The following PTPN1 variants were observed in gnomAD, a reference collection of about 807,000 sequenced individuals.
The protein encoded by PTPN1 is tyrosine-protein phosphatase non-receptor type 1.
PTPN1 carries 12 observed loss-of-function variants against 59.9 expected under a neutral mutation model. That is an observed-to-expected ratio of 0.20 (90% CI 0.13 to 0.32). The LOEUF (loss-of-function observed/expected upper bound fraction) is 0.32. PTPN1 is among the 10% of genes least tolerant of loss of function. PTPN1 has a pLI of 1.00. For synonymous variants in PTPN1, 178 were observed against 203.6 expected, an observed-to-expected ratio of 0.87 and a Z score of 1.07; for missense variants, 356 against 549.2, an observed-to-expected ratio of 0.65 and a Z score of 3.52.
At position 50,581,607 on chromosome 20, in the gene PTPN1, G is replaced by A. The variant is rs7261972; in HGVS notation, c.1284+147G>A. The A allele has an allele frequency of 3.1e-4, 297 of 953,000 alleles. 2 individuals are homozygous for A. In the African/African-American group the frequency reaches 4.6e-3, roughly 15 times the overall value. 59.0% of individuals were successfully genotyped at this position (953,000 alleles called of 1,614,324 possible). A position where few individuals can be genotyped will look rare whatever the true frequency, so the allele number is the denominator to read the frequency against. On this transcript the variant is annotated intron_variant, in intron 9 of 9. Coordinates refer to ENST00000371621, the MANE Select transcript of PTPN1 (RefSeq NM_002827.4). Reference sequence around the variant, plus strand: ...AAGGTTTTTAAAGTCTGGAACTGTGGAAGGGCTAACAAGAGAATTAAGGAT... The same window carrying A: ...AAGGTTTTTAAAGTCTGGAACTGTGAAAGGGCTAACAAGAGAATTAAGGAT...
At chr20:50,569,292 C>T (rs2082794715) in intron 4 of PTPN1, among the ~76,000 whole-genome samples, 1 of 152,240 alleles carries the variant, frequency 6.6e-6, no homozygotes, top group Admixed American at 6.5e-5. Context: ...CCTCTCACCA[C>T]TCTTGGAACT....
At chr20:50,511,570 T>A (rs2082507604) in intron 1 of PTPN1, among the ~76,000 whole-genome samples, 2 of 152,212 alleles carry the variant, frequency 1.3e-5, no homozygotes, top group Non-Finnish European at 2.9e-5. Context: ...TCTTTGGTCG[T>A]GGCAGAGATG....
chr20:50,563,698 C>A (rs1316183937), intron 2 of PTPN1, among the ~76,000 whole-genome samples: 1 of 152,130 alleles, frequency 6.6e-6, no homozygotes, highest in Non-Finnish European at 1.5e-5. Context: ...CCACTTATCC[C>A]CATTCATATC....
chr20:50,539,121 C>T (rs1017960624), intron 1 of PTPN1, among the ~76,000 whole-genome samples: 5 of 150,898 alleles, frequency 3.3e-5, no homozygotes, highest in African/African-American at 1.2e-4. Context: ...CCGCAACCTC[C>T]ACCTTCTGGG....
chr20:50,542,370 T>C (rs1194588884), intron 1 of PTPN1, among the ~76,000 whole-genome samples: 1 of 152,244 alleles, frequency 6.6e-6, no homozygotes, highest in African/African-American at 2.4e-5. Context: ...AGACACATTC[T>C]AATAGTGATT....
chr20:50,562,719 A>G (rs776572398), intron 2 of PTPN1, among the ~76,000 whole-genome samples: 19 of 152,212 alleles, frequency 1.2e-4, no homozygotes, highest in Non-Finnish European at 2.6e-4. Context: ...GAGGCACCTC[A>G]TTGATATTTG....
At chr20:50,521,502 G>T (rs577300498) in intron 1 of PTPN1, among the ~76,000 whole-genome samples, 6 of 152,338 alleles carry the variant, frequency 3.9e-5, no homozygotes, top group Non-Finnish European at 7.3e-5. Context: ...CTTCACAATA[G>T]CACTATGGCA....
intron 1 of PTPN1, among the ~76,000 whole-genome samples, chr20:50,529,566 C>T (rs1290164701): frequency 6.6e-6 from 1 of 152,222 alleles, no homozygotes; most frequent in African/African-American, 2.4e-5. Context: ...GCAGATGACA[C>T]TTTTGCGTCT....
At chr20:50,557,696 AC>A (rs1186817044) in intron 1 of PTPN1, 2 of 152,116 alleles carry the variant, frequency 1.3e-5, no homozygotes, top group East Asian at 3.8e-4. Context: ...ATGGGGTCTT[AC>A]TATATTGCCC....
At position 50,585,077 on chromosome 20, in the gene PTPN1, T is replaced by C. The variant is rs2082893523; in HGVS notation, c.*2362T>C. On this transcript the variant is annotated 3_prime_UTR_variant, in exon 10 of 10. Transcript: ENST00000371621. The stretch of plus-strand genomic sequence containing the variant: ...GTTGTTTGAAGAACAGTGTTTTGAG[T>C]TGTAATCTCAAAACCATATCCCTTA... 1.3e-5 allele frequency: 2 copies of C among 152,156 alleles called. No homozygotes were observed. Among genetic ancestry groups the C allele is most frequent in the Admixed American group, 1.3e-4 (2 of 15,264 alleles). The allele number at this position is 152,156 out of a possible 1,614,324, so 9.4% of individuals were successfully genotyped here. A position where few individuals can be genotyped will look rare whatever the true frequency, so the allele number is the denominator to read the frequency against.
chr20:50,562,663 T>C (rs373288801), intron 2 of PTPN1, among the ~76,000 whole-genome samples: 16 of 152,360 alleles, frequency 1.1e-4, no homozygotes, highest in East Asian at 7.7e-4. Flanking sequence ...TCAGGTGACA[T>C]GATTGGCGCC....
rs781769037 is a variant in PTPN1 at position 50,561,395 on chromosome 20, T to C, written c.96T>C (p.Cys32=). The stretch of plus-strand genomic sequence containing the variant: ...GACATGAAGCCAGTGACTTCCCATG[T>C]AGAGTGGCCAAGCTTCCTAAGAACA... ...DIRHEASDFP[C]RVAKLPKNKN... Residue 32 remains cysteine (C), a synonymous_variant, in exon 2 of 10, where the codon TGT becomes TGC. Transcript: ENST00000371621. 3.8e-5 allele frequency: 62 copies of C among 1,613,254 alleles called. No homozygotes were observed. The South Asian group carries it at 6.0e-4, about 16-fold the overall frequency.
intron 4 of PTPN1, chr20:50,572,802 T>C (rs1360382498): frequency 6.6e-6 from 1 of 152,252 alleles, no homozygotes; most frequent in Non-Finnish European, 1.5e-5. Flanking sequence ...TGCTTTTAGC[T>C]GCCACACCCA....
At chr20:50,574,901 G>A (rs1195043564) in intron 5 of PTPN1, 1 of 442,302 alleles carries the variant, frequency 2.3e-6, no homozygotes, top group Non-Finnish European at 4.0e-6. Context: ...GGAAAGGAGA[G>A]TTTCTTACCC....
At chr20:50,527,137 G>A (rs1337268002) in intron 1 of PTPN1, among the ~76,000 whole-genome samples, 1 of 152,084 alleles carries the variant, frequency 6.6e-6, no homozygotes, top group Admixed American at 6.6e-5. Flanking sequence ...TGGATCCCAG[G>A]CCCTCCCTAT....
chr20:50,554,205 A>T (rs1341232135), intron 1 of PTPN1, among the ~76,000 whole-genome samples: 1 of 152,128 alleles, frequency 6.6e-6, no homozygotes, highest in East Asian at 1.9e-4. Context: ...ACATAGCCAG[A>T]CCCTGTCTCT....
chr20:50,537,235 A>G (rs1370007502), intron 1 of PTPN1, among the ~76,000 whole-genome samples: 1 of 152,198 alleles, frequency 6.6e-6, no homozygotes, highest in Non-Finnish European at 1.5e-5. Flanking sequence ...AGGCAGGAGA[A>G]TCGTTTGAAC....
rs370578341 is a variant in PTPN1, at chr20:50,578,522, C to T, written c.595C>T (p.Arg199Ter). 3 of 1,614,172 alleles carry T rather than the reference C, an allele frequency of 1.9e-6. No individual in the cohort carries two copies. Among genetic ancestry groups the T allele is most frequent in the Non-Finnish European group, 2.5e-6 (3 of 1,180,040 alleles). ...ASFLNFLFKV[R>*]ESGSLSPEHG... ...ATTCTTGAACTTTCTTTTCAAAGTC[C>T]GAGAGTCAGGGTCACTCAGCCCGGA... is the stretch of plus-strand genomic sequence containing the variant. Residue 199 changes from arginine (R) to a stop codon, truncating the protein, a stop_gained, in exon 6 of 10, where the codon CGA (arginine) becomes TGA (stop). Transcript: ENST00000371621. LOFTEE classifies it high-confidence loss of function.
chr20:50,523,937 TTAAG>T (rs1407559706), intron 1 of PTPN1, among the ~76,000 whole-genome samples: 2 of 152,252 alleles, frequency 1.3e-5, no homozygotes, highest in African/African-American at 2.4e-5. Flanking sequence ...TCTGTTCATA[TTAAG>T]TGTCACCTAG....
Sources: gnomAD v4.1 joint callset for allele counts (sites outside exome capture counted in the v4.1 genomes callset) on GRCh38, gnomAD v4.1.1 for gene constraint, MANE v1.5 for transcripts, NCBI Gene and HGNC (gene_info 2026-07-23, HGNC 2026-07-21) for gene names.